The following CNTN4 variants were observed in gnomAD, a reference collection of about 807,000 sequenced individuals.
The protein encoded by CNTN4 is contactin-4.
A neutral mutation model predicts 122.5 loss-of-function variants in CNTN4; 77 were observed. The observed-to-expected ratio is 0.63, with a 90% CI of 0.52 to 0.76. The LOEUF (loss-of-function observed/expected upper bound fraction) is 0.76. Among genes scored for constraint, CNTN4 ranks in the 30% least tolerant of loss-of-function variants. The probability of loss-of-function intolerance (pLI) is 0.00; values close to 1 mark genes in which losing one functional copy is unlikely to be tolerated. For missense variants in CNTN4, 1,256 were observed against 1,259.1 expected (o/e 1.00, Z 0.04); for synonymous variants, 512 against 447.0 (o/e 1.15, Z -1.83).
rs76645504 is a variant in CNTN4, at chr3:2,469,390, C to A, written c.-88-102026C>A. 7.4e-4 allele frequency among the ~76,000 whole-genome samples: 112 copies of A among 152,318 alleles called. No homozygotes were observed. The Middle Eastern group carries it at 0.014, about 19-fold the overall frequency. ...ATCATTTGATTTTCTAGCAGGTGCTCATTCTGTCCCATGTTAATTCTAACA... is the reference window on the plus strand; with the variant it reads ...ATCATTTGATTTTCTAGCAGGTGCTAATTCTGTCCCATGTTAATTCTAACA... On this transcript the variant is annotated intron_variant, in intron 3 of 24. Coordinates refer to ENST00000418658, the MANE Select transcript of CNTN4 (RefSeq NM_175607.3).
At chr3:2,223,686 T>C (rs1403774696) in intron 2 of CNTN4, among the ~76,000 whole-genome samples, 1 of 151,954 alleles carries the variant, frequency 6.6e-6, no homozygotes, top group Admixed American at 6.6e-5. Flanking sequence ...CTGATTAGAG[T>C]GGATCACCAT....
chr3:2,323,742 T>C (rs1455324844), intron 2 of CNTN4, among the ~76,000 whole-genome samples: 5 of 152,214 alleles, frequency 3.3e-5, no homozygotes, highest in Non-Finnish European at 5.9e-5. Flanking sequence ...TAGCTGTGTA[T>C]ACTCATGTGG....
At chr3:2,392,386 T>C (rs2046471187) in intron 3 of CNTN4, among the ~76,000 whole-genome samples, 1 of 152,228 alleles carries the variant, frequency 6.6e-6, no homozygotes, top group Admixed American at 6.5e-5. Context: ...CATCAAATTC[T>C]GGTCATTAAA....
intron 2 of CNTN4, among the ~76,000 whole-genome samples, chr3:2,267,486 A>G (rs78096712): frequency 0.1 from 15,396 of 152,138 alleles, 935 homozygotes; most frequent in Middle Eastern, 0.16. Flanking sequence ...CGAATAGGAT[A>G]TTGTTTCACG....
At chr3:2,101,549 T>C (rs1290173322) in intron 2 of CNTN4, among the ~76,000 whole-genome samples, 1 of 142,418 alleles carries the variant, frequency 7.0e-6, no homozygotes, top group Non-Finnish European at 1.5e-5. Context: ...CTCTACACAC[T>C]GATTTTTTTT....
intron 2 of CNTN4, among the ~76,000 whole-genome samples, chr3:2,108,395 A>T (rs1479116403): frequency 1.3e-5 from 2 of 152,128 alleles, no homozygotes; most frequent in Admixed American, 1.3e-4. Context: ...GAGAATGACC[A>T]TCTCTCTTGC....
chr3:2,507,482 C>G (rs1376872053), intron 3 of CNTN4, among the ~76,000 whole-genome samples: 1 of 151,822 alleles, frequency 6.6e-6, no homozygotes, highest in East Asian at 1.9e-4. Context: ...CTGGTAGGCC[C>G]GATCACTCTG....
chr3:2,850,445 G>A (rs114687334), intron 7 of CNTN4, among the ~76,000 whole-genome samples: 1,798 of 152,052 alleles, frequency 0.012, 44 homozygotes, highest in African/African-American at 0.04. Context: ...TTATTTTTAC[G>A]TTTTTCAGTT....
rs541867597 is a variant in CNTN4 at position 3,043,253 on chromosome 3, C to T, written c.2698+90C>T. The T allele has an allele frequency of 1.4e-5, 17 of 1,220,776 alleles. No individual in the cohort carries two copies. In the Admixed American group the frequency reaches 2.8e-4, roughly 20 times the overall value. The allele number at this position is 1,220,776 out of a possible 1,614,324, so 75.6% of individuals were successfully genotyped here. A position where few individuals can be genotyped will look rare whatever the true frequency, so the allele number is the denominator to read the frequency against. On this transcript the variant is annotated intron_variant, in intron 22 of 24. Transcript: ENST00000418658. ...ATCCCCACCTCCCAATGATCATTTG[C>T]ATACTAATTAGTAGCATGTGGATTC... is the stretch of plus-strand genomic sequence containing the variant.
chr3:2,461,498 A>G (rs955304137), intron 3 of CNTN4, among the ~76,000 whole-genome samples: 11 of 152,304 alleles, frequency 7.2e-5, no homozygotes, highest in Non-Finnish European at 1.2e-4. Flanking sequence ...CTGGCCAGCT[A>G]CTAAGCGGTA....
At chr3:3,008,560 C>T (rs1041667643) in intron 14 of CNTN4, among the ~76,000 whole-genome samples, 3 of 152,150 alleles carry the variant, frequency 2.0e-5, no homozygotes, top group Non-Finnish European at 1.5e-5. Context: ...ATCGTGATTT[C>T]ACTACTTCGT....
chr3:2,223,999 G>A (rs1171778166), intron 2 of CNTN4, among the ~76,000 whole-genome samples: 2 of 152,064 alleles, frequency 1.3e-5, no homozygotes, highest in Non-Finnish European at 2.9e-5. Context: ...AGGAGGGTGA[G>A]GTGAATACAG....
At chr3:2,168,459 TGAGA>T (rs148711901) in intron 2 of CNTN4, among the ~76,000 whole-genome samples, 4 of 152,228 alleles carry the variant, frequency 2.6e-5, no homozygotes, top group African/African-American at 7.2e-5. Flanking sequence ...AGATGTTTAC[TGAGA>T]GAGATTTTTA....
chr3:2,447,660 T>C (rs1241936458), intron 3 of CNTN4, among the ~76,000 whole-genome samples: 2 of 152,122 alleles, frequency 1.3e-5, no homozygotes, highest in African/African-American at 4.8e-5. Flanking sequence ...AGTACAGATA[T>C]ATGTACATAT....
At chr3:3,034,876 T>C in intron 17 of CNTN4, 86 bp downstream of exon 17, 1 of 1,329,562 alleles carries the variant, frequency 7.5e-7, no homozygotes, top group Non-Finnish European at 1.1e-6. Flanking sequence ...TAAGTTCTCA[T>C]TCAGACACTA....
chr3:2,267,065 T>G (rs1337240877), intron 2 of CNTN4, among the ~76,000 whole-genome samples: 1 of 152,142 alleles, frequency 6.6e-6, no homozygotes, highest in Non-Finnish European at 1.5e-5. Context: ...AGGGGAATTT[T>G]CCTTTCAAAT....
At position 2,537,488 on chromosome 3, in the gene CNTN4, C is replaced by A. The variant is rs116943716; in HGVS notation, c.-88-33928C>A. ...TGTTAGGTGTCCAGATGCAGATCAC[C>A]TGCATCTTGCCTCATATGTCTCTCT... On this transcript the variant is annotated intron_variant, in intron 3 of 24. Coordinates refer to ENST00000418658, the MANE Select transcript of CNTN4 (RefSeq NM_175607.3). 3.5e-4 allele frequency among the ~76,000 whole-genome samples: 53 copies of A among 152,186 alleles called. No individual in the cohort carries two copies. The East Asian group carries it at 5.6e-3, about 16-fold the overall frequency.
At chr3:2,742,947 C>T (rs145846739) in intron 5 of CNTN4, among the ~76,000 whole-genome samples, 61 of 152,248 alleles carry the variant, frequency 4.0e-4, no homozygotes, top group African/African-American at 1.1e-3. Context: ...AACTGCATTT[C>T]GGAGAAAGCA....
At position 2,304,307 on chromosome 3, in the gene CNTN4, C is replaced by T. The variant is rs1243892768; in HGVS notation, c.-144-34871C>T. Among the ~76,000 whole-genome samples the T allele has an allele frequency of 1.3e-4, 20 of 152,004 alleles. 1 individual carries two copies. The highest frequency in any genetic ancestry group is 1.3e-3 in the Admixed American group (20 of 15,250). On this transcript the variant is annotated intron_variant, in intron 2 of 24. Transcript: ENST00000418658. ...AATCATGTAGCTTAGTTACAATGCT[C>T]AATCTTCTGTCATAAGGTATATTTG...
Sources: gnomAD v4.1 joint callset for allele counts (sites outside exome capture counted in the v4.1 genomes callset) on GRCh38, gnomAD v4.1.1 for gene constraint, MANE v1.5 for transcripts, NCBI Gene and HGNC (gene_info 2026-07-23, HGNC 2026-07-21) for gene names.